RALGPS1: variants seen among roughly 807,000 people sequenced by gnomAD.
RALGPS1 encodes the protein ras-specific guanine nucleotide-releasing factor RalGPS1.
Under a neutral mutation model 78.8 loss-of-function variants are expected in RALGPS1, and 19 were observed. The observed-to-expected ratio is 0.24, with a 90% CI of 0.17 to 0.35. The LOEUF is 0.35. Ranked by LOEUF, RALGPS1 falls within the 10% of genes least tolerant of loss-of-function variation. The probability of loss-of-function intolerance (pLI) is 1.00; values close to 1 mark genes in which losing one functional copy is unlikely to be tolerated. For synonymous variants in RALGPS1, 228 were observed against 256.3 expected (o/e 0.89, Z 1.06); for missense variants, 454 against 688.3 (o/e 0.66, Z 3.81).
At chr9:127,160,355 GC>G (rs1232853939) in intron 8 of RALGPS1, among the ~76,000 whole-genome samples, 3 of 152,222 alleles carry the variant, frequency 2.0e-5, no homozygotes, top group African/African-American at 7.2e-5. Context: ...TTGGCCACCT[GC>G]CCCTTGTGTT....
chr9:126,943,261 G>T (rs2036949880), intron 1 of RALGPS1, among the ~76,000 whole-genome samples: 1 of 152,054 alleles, frequency 6.6e-6, no homozygotes, highest in Non-Finnish European at 1.5e-5. Flanking sequence ...TTCTGCCTCA[G>T]CCTCCTGAGT....
At chr9:127,098,153 T>C (rs1049490279) in intron 8 of RALGPS1, among the ~76,000 whole-genome samples, 1 of 152,252 alleles carries the variant, frequency 6.6e-6, no homozygotes, top group Non-Finnish European at 1.5e-5. Flanking sequence ...ATGTTTTCCA[T>C]GTATTTTTAA....
intron 4 of RALGPS1, among the ~76,000 whole-genome samples, chr9:127,003,006 C>T (rs890261792): frequency 6.6e-6 from 1 of 151,996 alleles, no homozygotes; most frequent in Non-Finnish European, 1.5e-5. Flanking sequence ...GTTCTAGATC[C>T]CTGAGGAATC....
At chr9:127,027,617 A>C (rs1421799518) in intron 4 of RALGPS1, among the ~76,000 whole-genome samples, 4 of 152,222 alleles carry the variant, frequency 2.6e-5, no homozygotes, top group African/African-American at 9.6e-5. Flanking sequence ...ACCCCCACCC[A>C]CCAGTGGATG....
At chr9:126,943,430 A>AC (rs2036963159) in intron 1 of RALGPS1, among the ~76,000 whole-genome samples, 2 of 152,160 alleles carry the variant, frequency 1.3e-5, no homozygotes, top group African/African-American at 4.8e-5. Flanking sequence ...GGCGTGAACC[A>AC]CCGTGCCTGG....
intron 18 of RALGPS1, among the ~76,000 whole-genome samples, chr9:127,215,244 GC>G (rs1053769424): frequency 6.6e-6 from 1 of 152,276 alleles, no homozygotes; most frequent in Admixed American, 6.5e-5. Flanking sequence ...TGGGAATAAT[GC>G]GGCTAGCTAA....
chr9:127,141,616 CAAAAAAAAAAAAAA>C (rs61291398), intron 8 of RALGPS1, among the ~76,000 whole-genome samples: 3 of 68,660 alleles, frequency 4.4e-5, no homozygotes, highest in South Asian at 6.4e-4. Flanking sequence ...TTTTTAATGG[CAAAAAAAAAAAAAA>C]AAAAAAAAAA....
intron 7 of RALGPS1, among the ~76,000 whole-genome samples, chr9:127,063,744 C>T (rs1448432184): frequency 1.3e-5 from 2 of 152,130 alleles, no homozygotes; most frequent in Non-Finnish European, 2.9e-5. Context: ...AATTTTCCTC[C>T]TAATGTGCTT....
Position 127,069,314 on chromosome 9 carries a change from T to C in RALGPS1, c.568T>C (p.Tyr190His). 1 of 1,614,072 alleles carries C rather than the reference T, an allele frequency of 6.2e-7. No homozygotes were observed. The highest frequency in any genetic ancestry group is 2.2e-5 in the East Asian group (1 of 44,886). ...AGATAATTACAAGCGGACACGGGAA[T>C]ATATCCGAAGCCTGAAGATGGTTCC... ...KEDNYKRTRE[Y>H]IRSLKMVPSI... Residue 190 changes from tyrosine to histidine, a missense_variant, in exon 8 of 19, where the codon TAT becomes CAT. By Grantham distance (83) the Tyr-to-His change is moderately conservative (BLOSUM62 2). Coordinates refer to ENST00000259351, the MANE Select transcript of RALGPS1 (RefSeq NM_014636.3).
chr9:127,126,856 T>C (rs1174460906), intron 8 of RALGPS1, among the ~76,000 whole-genome samples: 2 of 152,240 alleles, frequency 1.3e-5, no homozygotes, highest in Admixed American at 1.3e-4. Flanking sequence ...TTTTACTGCT[T>C]TTTTTTCTTG....
intron 7 of RALGPS1, among the ~76,000 whole-genome samples, chr9:127,055,881 G>C (rs2048699007): frequency 2.0e-5 from 3 of 152,174 alleles, no homozygotes; most frequent in Admixed American, 6.5e-5. Flanking sequence ...CAGGCCTTTG[G>C]GTCTCTGTCT....
At chr9:126,925,159 T>C (rs2035149724) in intron 1 of RALGPS1, among the ~76,000 whole-genome samples, 1 of 151,496 alleles carries the variant, frequency 6.6e-6, no homozygotes, top group Non-Finnish European at 1.5e-5. Flanking sequence ...TAAATAAATA[T>C]AAAAATAAAA....
intron 4 of RALGPS1, among the ~76,000 whole-genome samples, chr9:127,005,287 C>CT: frequency 6.6e-6 from 1 of 152,354 alleles, no homozygotes; most frequent in African/African-American, 2.4e-5. Flanking sequence ...TGCAAACCCT[C>CT]TGAGAAATTT....
Position 127,072,461 on chromosome 9 carries a change from T to C in RALGPS1, c.610+3105T>C, listed in dbSNP as rs141738043. Among the ~76,000 whole-genome samples the C allele has an allele frequency of 3.0e-3, 451 of 152,352 alleles. 2 individuals are homozygous for C. The highest frequency in any genetic ancestry group is 0.01 in the African/African-American group (424 of 41,580). ...AATCCCTGAGCTCAAGCAATCTGCC[T>C]GCCTTGGCCTCCCGATATCCATTTA... On this transcript the variant is annotated intron_variant, in intron 8 of 18. Transcript: ENST00000259351.
intron 4 of RALGPS1, among the ~76,000 whole-genome samples, chr9:127,027,605 C>T (rs374677002): frequency 7.2e-5 from 11 of 152,292 alleles, no homozygotes; most frequent in East Asian, 1.9e-4. Flanking sequence ...GTACTGGATG[C>T]GACCCCCACC....
At chr9:127,061,034 G>A (rs1434935338) in intron 7 of RALGPS1, among the ~76,000 whole-genome samples, 5 of 152,214 alleles carry the variant, frequency 3.3e-5, no homozygotes, top group African/African-American at 1.2e-4. Flanking sequence ...GAGAGAATTG[G>A]TCTGTCCTCG....
chr9:126,963,153 T>C lies in RALGPS1; in HGVS notation c.57+807T>C, dbSNP rs1295386316. ...TCATCATCATCACCAATGAATGTAT[T>C]TGGGGCAGCTTTTGATCAACACGTC... On this transcript the variant is annotated intron_variant, in intron 2 of 18. Transcript: ENST00000259351. Among the ~76,000 whole-genome samples, 4 of 152,214 alleles carry C rather than the reference T, an allele frequency of 2.6e-5. No homozygotes were observed. In the South Asian group the frequency reaches 8.3e-4, roughly 31 times the overall value.
intron 8 of RALGPS1, among the ~76,000 whole-genome samples, chr9:127,086,614 T>C (rs187976707): frequency 9.2e-5 from 14 of 152,384 alleles, no homozygotes; most frequent in Admixed American, 7.2e-4. Flanking sequence ...TTGCTATATA[T>C]GTTTCAAATA....
chr9:127,009,829 G>T (rs1174456634), intron 4 of RALGPS1, among the ~76,000 whole-genome samples: 2 of 152,226 alleles, frequency 1.3e-5, no homozygotes, highest in East Asian at 3.9e-4. Context: ...CCACTTTCTT[G>T]AAGGTTTAGC....
Sources: gnomAD v4.1 joint callset for allele counts (sites outside exome capture counted in the v4.1 genomes callset) on GRCh38, gnomAD v4.1.1 for gene constraint, MANE v1.5 for transcripts, NCBI Gene and HGNC (gene_info 2026-07-23, HGNC 2026-07-21) for gene names.